Variants in PIGK observed in about 807,000 individuals in gnomAD.
PIGK encodes the protein phosphatidylinositol glycan anchor biosynthesis class K, also known as GPI-anchor transamidase.
Under a neutral mutation model 50.6 loss-of-function variants are expected in PIGK, and 42 were observed. The observed-to-expected ratio is 0.83, with a 90% CI of 0.65 to 1.07. The LOEUF (loss-of-function observed/expected upper bound fraction) is 1.07, where lower values mean the gene tolerates loss of function less well. Ranked by LOEUF, PIGK falls within the 50% of genes least tolerant of loss-of-function variation. PIGK has a pLI of 0.00. For synonymous variants in PIGK, 151 were observed against 156.0 expected, an observed-to-expected ratio of 0.97 and a Z score of 0.24; for missense variants, 448 against 488.7, an observed-to-expected ratio of 0.92 and a Z score of 0.78.
chr1:77,134,472 A>G (rs1219646396), intron 9 of PIGK, among the ~76,000 whole-genome samples: 1 of 152,222 alleles, frequency 6.6e-6, no homozygotes, highest in Non-Finnish European at 1.5e-5. Context: ...TTTTGAGTGA[A>G]TGACAATTAT....
intron 6 of PIGK, among the ~76,000 whole-genome samples, chr1:77,162,990 C>T (rs1655162010): frequency 1.3e-5 from 2 of 152,108 alleles, no homozygotes; most frequent in Non-Finnish European, 2.9e-5. Flanking sequence ...AGTTCACTCA[C>T]TTGTAAAAAG....
At chr1:77,215,866 C>T (rs182853492) in intron 1 of PIGK, among the ~76,000 whole-genome samples, 132 of 152,130 alleles carry the variant, frequency 8.7e-4, no homozygotes, top group African/African-American at 2.9e-3. Flanking sequence ...ATTTCAATAT[C>T]ACCCAGATAC....
At chr1:77,189,428 C>T (rs1375277179) in intron 3 of PIGK, among the ~76,000 whole-genome samples, 12 of 151,874 alleles carry the variant, frequency 7.9e-5, no homozygotes, top group Non-Finnish European at 8.8e-5. Flanking sequence ...AGTCAGTGGG[C>T]TAGGAAAGGC....
At position 77,140,991 on chromosome 1, in the gene PIGK, C is replaced by T. The variant is rs911714197; in HGVS notation, c.986+13458G>A. ...AAAAGTACCAAAGATTGCTATAAAG[C>T]ATGCAATCTTTAAATCACCTAAGAG... On this transcript the variant is annotated intron_variant, in intron 9 of 10. Coordinates refer to ENST00000370812, the MANE Select transcript of PIGK (RefSeq NM_005482.3). Among the ~76,000 whole-genome samples the T allele has an allele frequency of 5.3e-5, 8 of 152,268 alleles. No homozygotes were observed. In the South Asian group the frequency reaches 1.5e-3, roughly 28 times the overall value.
chr1:77,115,180 C>G (rs762068939), intron 10 of PIGK, among the ~76,000 whole-genome samples: 1 of 152,116 alleles, frequency 6.6e-6, no homozygotes, highest in Non-Finnish European at 1.5e-5. Context: ...TGAAAAATTA[C>G]CACAATCCAT....
intron 3 of PIGK, among the ~76,000 whole-genome samples, chr1:77,193,020 T>G (rs1445786388): frequency 2.6e-5 from 4 of 152,164 alleles, no homozygotes; most frequent in Non-Finnish European, 4.4e-5. Flanking sequence ...GATGTAAGGA[T>G]TTAACATCAG....
chr1:77,175,475 C>T (rs4546965), intron 3 of PIGK, among the ~76,000 whole-genome samples: 16,827 of 151,984 alleles, frequency 0.11, 1,150 homozygotes, highest in East Asian at 0.22. Context: ...AAAGTAAACG[C>T]TGCTAAGAGT....
intron 3 of PIGK, among the ~76,000 whole-genome samples, chr1:77,183,731 A>G (rs1204270357): frequency 6.6e-6 from 1 of 152,072 alleles, no homozygotes; most frequent in Non-Finnish European, 1.5e-5. Flanking sequence ...GGGGAGTTCT[A>G]ATCGTTTATT....
intron 3 of PIGK, among the ~76,000 whole-genome samples, chr1:77,174,325 G>C (rs1040789438): frequency 6.6e-6 from 1 of 152,188 alleles, no homozygotes; most frequent in East Asian, 1.9e-4. Flanking sequence ...AGCTCTAACA[G>C]CCTGGGACTC....
intron 9 of PIGK, among the ~76,000 whole-genome samples, chr1:77,146,057 A>G (rs1033457540): frequency 2.6e-5 from 4 of 152,194 alleles, no homozygotes; most frequent in Non-Finnish European, 5.9e-5. Context: ...GTCAAAAATG[A>G]TAAGTCGAAC....
At chr1:77,157,326 A>G (rs1281039205) in intron 8 of PIGK, among the ~76,000 whole-genome samples, 2 of 152,208 alleles carry the variant, frequency 1.3e-5, no homozygotes, top group Non-Finnish European at 2.9e-5. Flanking sequence ...AATCTTAAAA[A>G]TAAAGGTGGT....
intron 9 of PIGK, among the ~76,000 whole-genome samples, chr1:77,132,847 C>CT (rs1295878571): frequency 6.6e-6 from 1 of 152,046 alleles, no homozygotes; most frequent in East Asian, 1.9e-4. Context: ...CCTTTCACCA[C>CT]TTTAAACATG....
chr1:77,115,159 A>C (rs1488668050), intron 10 of PIGK, among the ~76,000 whole-genome samples: 4 of 152,212 alleles, frequency 2.6e-5, no homozygotes, highest in Non-Finnish European at 4.4e-5. Flanking sequence ...GATAAACAAA[A>C]ACAGAAGAAT....
intron 6 of PIGK, among the ~76,000 whole-genome samples, chr1:77,162,508 A>G (rs1655151228): frequency 6.6e-6 from 1 of 152,204 alleles, no homozygotes; most frequent in Non-Finnish European, 1.5e-5. Flanking sequence ...AAAGGATACC[A>G]TATGAAGTCT....
intron 8 of PIGK, among the ~76,000 whole-genome samples, chr1:77,155,803 T>A (rs1423233659): frequency 2.0e-5 from 3 of 152,174 alleles, no homozygotes; most frequent in Non-Finnish European, 4.4e-5. Context: ...CTGTCTGCAC[T>A]GGCAATCACC....
chr1:77,146,496 T>TA (rs542426625), intron 9 of PIGK, among the ~76,000 whole-genome samples: 5 of 151,588 alleles, frequency 3.3e-5, no homozygotes, highest in East Asian at 3.9e-4. Flanking sequence ...ACCCTGTCTC[T>TA]AAAAAAAATG....
At chr1:77,105,319 T>C (rs564348536) in intron 10 of PIGK, among the ~76,000 whole-genome samples, 45 of 151,800 alleles carry the variant, frequency 3.0e-4, no homozygotes, top group Non-Finnish European at 5.1e-4. Context: ...AAAGGCAACA[T>C]TCGATTGGTA....
chr1:77,216,922 A>C (rs1291916718), intron 1 of PIGK, among the ~76,000 whole-genome samples: 1 of 152,150 alleles, frequency 6.6e-6, no homozygotes, highest in Admixed American at 6.5e-5. Flanking sequence ...TGTCTAGACA[A>C]TACAGTCATT....
Position 77,219,325 on chromosome 1 carries a change from G to C in PIGK, c.78C>G (p.Ala26=), listed in dbSNP as rs536087505. The change falls in exon 1 of 11, where the codon GCC becomes GCG. Residue 26 remains alanine, a synonymous_variant. Coordinates refer to ENST00000370812, the MANE Select transcript of PIGK (RefSeq NM_005482.3). ...TGACTCCTACCTCGATATGACTAGC[G>C]GCCACGCTGCCGAAGGACAAGAGCA... is the stretch of plus-strand genomic sequence containing the variant. ...TVLLLSFGSV[A]ASHIEDQAEQ... The C allele has an allele frequency of 1.9e-6, 3 of 1,613,588 alleles. No homozygotes were observed. In the South Asian group the frequency reaches 3.3e-5, roughly 18 times the overall value.
Sources: gnomAD v4.1 joint callset for allele counts (sites outside exome capture counted in the v4.1 genomes callset) on GRCh38, gnomAD v4.1.1 for gene constraint, MANE v1.5 for transcripts, NCBI Gene and HGNC (gene_info 2026-07-23, HGNC 2026-07-21) for gene names.